The following PTCHD4 variants were observed in gnomAD, a reference collection of about 807,000 sequenced individuals.
PTCHD4 encodes patched domain containing 4, also known as patched domain-containing protein 4.
A neutral mutation model predicts 58.1 loss-of-function variants in PTCHD4; 33 were observed. The ratio of observed to expected loss-of-function variants is 0.57; its 90% CI spans 0.43 to 0.76. The LOEUF (loss-of-function observed/expected upper bound fraction) is 0.76, where lower values mean the gene tolerates loss of function less well. PTCHD4 is among the 30% of genes least tolerant of loss of function. The pLI is 0.00. For synonymous variants in PTCHD4, 478 were observed against 409.6 expected (o/e 1.17, Z -2.02); for missense variants, 1,058 against 1,027.1 (o/e 1.03, Z -0.41).
rs886342053 is a variant in PTCHD4 at position 47,863,706 on chromosome 6, A to G, written c.*14597T>C. ...GCTAGTTCTAGTATACAGTGGTTCT[A>G]GTTAAACCAGTCTATAACAGGACTT... On this transcript the variant is annotated 3_prime_UTR_variant, in exon 5 of 5. Coordinates refer to ENST00000339488, the MANE Select transcript of PTCHD4 (RefSeq NM_001384253.1). Among the ~76,000 whole-genome samples, 5 of 151,984 alleles carry G rather than the reference A, an allele frequency of 3.3e-5. No individual in the cohort carries two copies. Among genetic ancestry groups the G allele is most frequent in the Admixed American group, 6.6e-5 (1 of 15,252 alleles).
At chr6:48,089,247 G>T (rs192586173) in intron 1 of PTCHD4, among the ~76,000 whole-genome samples, 56 of 152,168 alleles carry the variant, frequency 3.7e-4, no homozygotes, top group Middle Eastern at 3.4e-3. Flanking sequence ...AAGCAGACAT[G>T]GTTTTAGGAA....
chr6:47,912,327 GA>G (rs1344755402), intron 4 of PTCHD4, among the ~76,000 whole-genome samples: 16 of 147,758 alleles, frequency 1.1e-4, no homozygotes, highest in African/African-American at 4.0e-4. Flanking sequence ...TCTGAAATTA[GA>G]AAAACCTACA....
rs751974303 is a variant in PTCHD4, at chr6:48,008,833, C to T, written c.699G>A (p.Lys233=). 13 of 1,613,912 alleles carry T rather than the reference C, an allele frequency of 8.1e-6. No homozygotes were observed. The East Asian group carries it at 1.8e-4, about 22-fold the overall frequency. Residue 233 remains lysine (K), a synonymous_variant, in exon 4 of 5, where the codon AAG becomes AAA. Coordinates refer to ENST00000339488, the MANE Select transcript of PTCHD4 (RefSeq NM_001384253.1). ...FHKTSILARS[K]VLVSLVLILT... ...GGATCAGCACGAGGCTCACCAGGACCTTGCTTCTGGCCAGGATGCTGGTCT... is the reference window on the plus strand; with the variant it reads ...GGATCAGCACGAGGCTCACCAGGACTTTGCTTCTGGCCAGGATGCTGGTCT...
Position 48,068,495 on chromosome 6 carries a change from A to T in PTCHD4, c.152T>A (p.Ile51Asn). The T allele has an allele frequency of 6.2e-7, 1 of 1,613,328 alleles. No individual in the cohort carries two copies. The highest frequency in any genetic ancestry group is 8.5e-7 in the Non-Finnish European group (1 of 1,179,784). Reference sequence around the variant, plus strand: ...GTTGAGCGCGCTGAGGCCGAAGGTGATTGTCAGGACTGCGGGCACGGTGAG... The same window carrying T: ...GTTGAGCGCGCTGAGGCCGAAGGTGTTTGTCAGGACTGCGGGCACGGTGAG... Reference protein sequence around the residue: ...FFLTVPAVLTITFGLSALNRF... With the variant: ...FFLTVPAVLTNTFGLSALNRF... The change falls in exon 3 of 5, where the codon ATC becomes AAC. Residue 51 changes from isoleucine to asparagine, a missense_variant. Physicochemically the swap from Ile to Asn is moderately radical, Grantham distance 149. Transcript: ENST00000339488. The surrounding 1 kb of genome is among the most constrained non-coding windows in gnomAD (Gnocchi z 4.2).
chr6:47,983,115 G>C (rs542154012), intron 4 of PTCHD4, among the ~76,000 whole-genome samples: 1 of 152,018 alleles, frequency 6.6e-6, no homozygotes, highest in South Asian at 2.1e-4. Context: ...TGCAAGTTAG[G>C]GTAAAATTAA....
rs766339435 is a variant in PTCHD4 at position 48,069,141 on chromosome 6, G to GC, written c.-185_-184insG. On this transcript the variant is annotated 5_prime_UTR_variant, in exon 2 of 5. The change creates a premature stop within an existing upstream ORF in the 5' untranslated region. Transcript: ENST00000339488. ...AAGAAGCAGACATGTGCCCCATAAA[G>GC]GGGGGGGGGGCTGAGGGGGGGAGAG... 4.8e-3 allele frequency among the ~76,000 whole-genome samples: 264 copies of GC among 55,246 alleles called. 8 individuals are homozygous for GC. Among genetic ancestry groups the GC allele is most frequent in the African/African-American group, 0.014 (190 of 13,472 alleles). 36.2% of individuals were successfully genotyped at this position (55,246 alleles called of 152,430 possible). A position where few individuals can be genotyped will look rare whatever the true frequency, so the allele number is the denominator to read the frequency against.
At position 48,021,608 on chromosome 6, in the gene PTCHD4, G is replaced by A. The variant is rs190412677; in HGVS notation, c.418-12494C>T. 1.6e-3 allele frequency among the ~76,000 whole-genome samples: 233 copies of A among 142,152 alleles called. 1 individual carries two copies. Among genetic ancestry groups the A allele is most frequent in the African/African-American group, 5.7e-3 (227 of 39,800 alleles). The allele number at this position is 142,152 out of a possible 152,430, so 93.3% of individuals were successfully genotyped here. A position where few individuals can be genotyped will look rare whatever the true frequency, so the allele number is the denominator to read the frequency against. ...AAACTATCATGCTAAGTGAAAGCTA[G>A]CTTATTTTTTTTTTCTTGGATTATA... On this transcript the variant is annotated intron_variant, in intron 3 of 4. Transcript: ENST00000339488.
chr6:47,889,432 G>A (rs1286600363), intron 4 of PTCHD4, among the ~76,000 whole-genome samples: 2 of 150,752 alleles, frequency 1.3e-5, no homozygotes, highest in South Asian at 4.2e-4. Context: ...TTTTTCATGT[G>A]TTTTTTGGCT....
chr6:47,974,928 T>C (rs988046806), intron 4 of PTCHD4, among the ~76,000 whole-genome samples: 5 of 152,210 alleles, frequency 3.3e-5, no homozygotes, highest in African/African-American at 1.2e-4. Context: ...CATCATTCAT[T>C]CATTTATTTT....
chr6:48,101,584 T>A (rs1014130819), intron 1 of PTCHD4, among the ~76,000 whole-genome samples: 3 of 152,218 alleles, frequency 2.0e-5, no homozygotes, highest in African/African-American at 7.2e-5. Context: ...GTGGAGATAT[T>A]TCTTCCCCTT....
At chr6:47,991,043 T>C (rs1386999862) in intron 4 of PTCHD4, among the ~76,000 whole-genome samples, 1 of 150,900 alleles carries the variant, frequency 6.6e-6, no homozygotes, top group African/African-American at 2.4e-5. Context: ...GAAATTGTAA[T>C]ATATGTTTGA....
chr6:47,933,572 G>T (rs1034844402), intron 4 of PTCHD4, among the ~76,000 whole-genome samples: 6 of 152,196 alleles, frequency 3.9e-5, no homozygotes, highest in African/African-American at 7.2e-5. Flanking sequence ...CCTGCAAGAT[G>T]AACTGGATTC....
intron 4 of PTCHD4, among the ~76,000 whole-genome samples, chr6:47,945,675 G>A (rs1222372324): frequency 2.0e-5 from 3 of 151,774 alleles, no homozygotes; most frequent in Non-Finnish European, 4.4e-5. Flanking sequence ...TACTTTCATT[G>A]ATTTTTTTAC....
intron 4 of PTCHD4, among the ~76,000 whole-genome samples, chr6:47,893,439 G>A (rs917112673): frequency 1.3e-5 from 2 of 152,152 alleles, no homozygotes; most frequent in Middle Eastern, 3.2e-3. Flanking sequence ...TCCCAGTTCT[G>A]GCTCCATATA....
intron 4 of PTCHD4, among the ~76,000 whole-genome samples, chr6:47,896,130 A>T (rs1764521598): frequency 6.6e-6 from 1 of 152,212 alleles, no homozygotes; most frequent in African/African-American, 2.4e-5. Flanking sequence ...ACTACAGTTA[A>T]GGAAGATGGC....
At chr6:48,003,183 T>A (rs1300684765) in intron 4 of PTCHD4, among the ~76,000 whole-genome samples, 1 of 152,194 alleles carries the variant, frequency 6.6e-6, no homozygotes, top group Non-Finnish European at 1.5e-5. Flanking sequence ...TCTCATTGGA[T>A]TCTATGGTTT....
intron 1 of PTCHD4, among the ~76,000 whole-genome samples, chr6:48,085,925 A>G (rs190794045): frequency 6.6e-6 from 1 of 152,024 alleles, no homozygotes; most frequent in African/African-American, 2.4e-5. Context: ...ACTTTTTTTC[A>G]TCTAATTTGA....
chr6:47,998,674 CAATGCTACCTCA>C (rs888103898), intron 4 of PTCHD4, among the ~76,000 whole-genome samples: 12 of 152,142 alleles, frequency 7.9e-5, no homozygotes, highest in Admixed American at 2.6e-4. Flanking sequence ...ACACACTAGT[CAATGCTACCTCA>C]AATGCTTGAC....
rs891140188 is a variant in PTCHD4 at position 47,877,053 on chromosome 6, T to C, written c.*1250A>G. 4.6e-5 allele frequency among the ~76,000 whole-genome samples: 7 copies of C among 152,020 alleles called. No individual in the cohort carries two copies. Among genetic ancestry groups the C allele is most frequent in the Non-Finnish European group, 1.5e-5 (1 of 67,986 alleles). The stretch of plus-strand genomic sequence containing the variant: ...GAACACTACTATAGTGATCATGGCC[T>C]GGGTTATGTTCCAAATACTAATGCA... On this transcript the variant is annotated 3_prime_UTR_variant, in exon 5 of 5. Coordinates refer to ENST00000339488, the MANE Select transcript of PTCHD4 (RefSeq NM_001384253.1).
Sources: gnomAD v4.1 joint callset for allele counts (sites outside exome capture counted in the v4.1 genomes callset) on GRCh38, gnomAD v4.1.1 for gene constraint, Gnocchi (gnomAD v3.1) non-coding constraint, MANE v1.5 for transcripts, NCBI Gene and HGNC (gene_info 2026-07-23, HGNC 2026-07-21) for gene names.